Variants in PLCZ1 observed in about 807,000 individuals in gnomAD.
PLCZ1 encodes phospholipase C zeta 1.
In PLCZ1, 64 loss-of-function variants were observed where a neutral mutation model predicts 76.8. The observed-to-expected ratio is 0.83, with a 90% CI of 0.68 to 1.03. The LOEUF (loss-of-function observed/expected upper bound fraction) is 1.03, where lower values mean the gene tolerates loss of function less well. PLCZ1 is among the 50% of genes least tolerant of loss of function. The pLI, the probability that PLCZ1 is intolerant of heterozygous loss-of-function variation, is 0.00. For synonymous variants in PLCZ1, 248 were observed against 230.8 expected (o/e 1.07, Z -0.68); for missense variants, 751 against 713.7 (o/e 1.05, Z -0.60).
chr12:18,708,127 A>G (rs372662762), intron 6 of PLCZ1, among the ~76,000 whole-genome samples: 69 of 152,268 alleles, frequency 4.5e-4, no homozygotes, highest in African/African-American at 1.5e-3. Flanking sequence ...CATCCTACAT[A>G]TGTGCTACTT....
intron 12 of PLCZ1, among the ~76,000 whole-genome samples, chr12:18,692,164 A>G (rs1240853217): frequency 6.6e-6 from 1 of 152,156 alleles, no homozygotes; most frequent in Non-Finnish European, 1.5e-5. Flanking sequence ...GAGCTTCACT[A>G]AGTAATGACA....
chr12:18,670,412 A>C, the PLCZ1 span, among the ~76,000 whole-genome samples: 60 of 152,140 alleles, frequency 3.9e-4, no homozygotes, highest in Admixed American at 1.6e-3. Flanking sequence ...TAGTTCAGCA[A>C]CCTCCTTTTT....
the PLCZ1 span, among the ~76,000 whole-genome samples, chr12:18,649,628 C>T: frequency 6.6e-6 from 1 of 152,072 alleles, no homozygotes. Context: ...CCAATTTTCT[C>T]TTAGAGCCAT....
chr12:18,734,386 T>C (rs1471423647), intron 3 of PLCZ1, among the ~76,000 whole-genome samples: 2 of 152,200 alleles, frequency 1.3e-5, no homozygotes, highest in African/African-American at 4.8e-5. Context: ...ACTCTCGCTC[T>C]GTTGCCCAGG....
intron 13 of PLCZ1, among the ~76,000 whole-genome samples, chr12:18,686,687 G>A (rs1051114298): frequency 5.9e-5 from 9 of 151,940 alleles, no homozygotes; most frequent in Admixed American, 2.6e-4. Flanking sequence ...CTTGAAGCAC[G>A]AATTACTCTA....
chr12:18,720,361 T>G (rs1958366452), intron 4 of PLCZ1, among the ~76,000 whole-genome samples: 1 of 151,662 alleles, frequency 6.6e-6, no homozygotes, highest in African/African-American at 2.4e-5. Context: ...ATATACACAT[T>G]TCTGTATGGT....
the PLCZ1 span, among the ~76,000 whole-genome samples, chr12:18,668,501 TCTA>T: frequency 6.6e-6 from 1 of 152,154 alleles, no homozygotes; most frequent in Non-Finnish European, 1.5e-5. Context: ...CTGCCTGCCG[TCTA>T]CTACAACTGA....
chr12:18,723,277 A>T (rs1162063191), intron 4 of PLCZ1, 34 bp downstream of exon 4: 5 of 1,547,042 alleles, frequency 3.2e-6, no homozygotes, highest in Non-Finnish European at 1.8e-6. Context: ...TTCACATATA[A>T]ATATTCCGAT....
chr12:18,700,005 A>AT (rs1955669413), intron 9 of PLCZ1, 55 bp from the exon 10 acceptor site: 15 of 1,496,654 alleles, frequency 1.0e-5, no homozygotes, highest in Non-Finnish European at 6.4e-6. Context: ...GGGAAAAAAA[A>AT]TTTTTTCTAG....
intron 12 of PLCZ1, chr12:18,693,810 G>C (rs1218474862): frequency 2.1e-5 from 32 of 1,522,178 alleles, no homozygotes; most frequent in Non-Finnish European, 2.9e-5. Flanking sequence ...ATCAGACCAG[G>C]CCGCATTGGC....
chr12:18,693,531 G>A, intron 12 of PLCZ1: 1 of 1,611,554 alleles, frequency 6.2e-7, no homozygotes, highest in Non-Finnish European at 8.5e-7. Context: ...AGAGTGGTTG[G>A]CTCTGAACTT....
chr12:18,681,068 G>A (rs1408275507), downstream of PLCZ1, among the ~76,000 whole-genome samples: 1 of 151,916 alleles, frequency 6.6e-6, no homozygotes, highest in Admixed American at 6.6e-5. Flanking sequence ...TGTCTTTGTC[G>A]TGTTCCGTCA....
At chr12:18,736,029 T>C in intron 3 of PLCZ1, 192 bp downstream of exon 3, 1 of 546,058 alleles carries the variant, frequency 1.8e-6, no homozygotes. Flanking sequence ...TAAACTGATA[T>C]CCTGGTATTA....
At chr12:18,707,975 C>T (rs1053182193) in intron 6 of PLCZ1, among the ~76,000 whole-genome samples, 1 of 152,216 alleles carries the variant, frequency 6.6e-6, no homozygotes, top group Non-Finnish European at 1.5e-5. Context: ...ACATATCCAT[C>T]TATCCATCAT....
At chr12:18,673,416 C>G in the PLCZ1 span, among the ~76,000 whole-genome samples, 2 of 151,834 alleles carry the variant, frequency 1.3e-5, no homozygotes, top group Admixed American at 1.3e-4. Context: ...AGCCATTTCA[C>G]CAAGATATAC....
the PLCZ1 span, among the ~76,000 whole-genome samples, chr12:18,663,439 ATTAT>A: frequency 6.6e-6 from 1 of 152,130 alleles, no homozygotes; most frequent in Admixed American, 6.6e-5. Context: ...TAATGTAGAG[ATTAT>A]TTAAACTACA....
the PLCZ1 span, among the ~76,000 whole-genome samples, chr12:18,651,717 G>C: frequency 6.6e-6 from 1 of 152,148 alleles, no homozygotes; most frequent in African/African-American, 2.4e-5. Flanking sequence ...TCTGAAGTCA[G>C]ACTCACCACC....
intron 5 of PLCZ1, 128 bp from the exon 6 acceptor site, chr12:18,713,114 A>C: frequency 7.8e-7 from 1 of 1,276,188 alleles, no homozygotes; most frequent in Non-Finnish European, 1.1e-6. Flanking sequence ...AAACTCTATA[A>C]AAACTTGTCT....
chr12:18,732,315 C>A (rs1959096328), intron 3 of PLCZ1, among the ~76,000 whole-genome samples: 2 of 152,078 alleles, frequency 1.3e-5, no homozygotes, highest in African/African-American at 4.8e-5. Context: ...CCAGGCCCAG[C>A]TAATTTTTTG....
Sources: allele counts gnomAD v4.1 joint callset (sites outside exome capture counted in the v4.1 genomes callset), GRCh38; gene constraint gnomAD v4.1.1; transcripts MANE v1.5; gene names NCBI Gene and HGNC (gene_info 2026-07-23, HGNC 2026-07-21).